OPCML: variants seen among roughly 807,000 people sequenced by gnomAD.
OPCML encodes opioid-binding protein/cell adhesion molecule.
A neutral mutation model predicts 37.8 loss-of-function variants in OPCML; 13 were observed. That is an observed-to-expected ratio of 0.34 (90% CI 0.22 to 0.55). The LOEUF (loss-of-function observed/expected upper bound fraction) is 0.55. Among genes scored for constraint, OPCML ranks in the 20% least tolerant of loss-of-function variants. The probability of loss-of-function intolerance (pLI) is 0.91; values close to 1 mark genes in which losing one functional copy is unlikely to be tolerated. For missense variants in OPCML, 341 were observed against 435.6 expected (o/e 0.78, Z 1.93); for synonymous variants, 176 against 168.8 (o/e 1.04, Z -0.33).
intron 2 of OPCML, among the ~76,000 whole-genome samples, chr11:132,924,074 C>T (rs535396092): frequency 1.5e-4 from 23 of 151,362 alleles, no homozygotes; most frequent in African/African-American, 5.6e-4. Context: ...CTAATTAAAT[C>T]GAAATCTTGT....
rs11285711 is a variant in OPCML, at chr11:132,996,618, C to CAAA, written c.62-53611_62-53609dup. Among the ~76,000 whole-genome samples, 1,010 of 123,352 alleles carry CAAA rather than the reference C, an allele frequency of 8.2e-3. 20 individuals carry two copies. Among genetic ancestry groups the CAAA allele is most frequent in the African/African-American group, 0.03 (973 of 32,314 alleles). 80.9% of individuals were successfully genotyped at this position (123,352 alleles called of 152,430 possible). ...TGGGCAACAGAGAGAGGCTCCATCT[C>CAAA]AAAAAAAAAAAAAAAAAATACTTGA... On this transcript the variant is annotated intron_variant, in intron 1 of 7. Transcript: ENST00000524381.
At chr11:132,635,901 TA>T (rs1429699037) in intron 3 of OPCML, among the ~76,000 whole-genome samples, 2 of 152,166 alleles carry the variant, frequency 1.3e-5, no homozygotes. Flanking sequence ...GCTTTCAGGC[TA>T]CATTCATGTT....
chr11:132,887,775 A>C (rs1027796), intron 2 of OPCML, among the ~76,000 whole-genome samples: 107,741 of 152,190 alleles, frequency 0.71, 38,805 homozygotes, highest in African/African-American at 0.83. Context: ...GGATCGGCAG[A>C]TTCACAGCTC....
chr11:132,448,255 T>C (rs574110969), intron 4 of OPCML, among the ~76,000 whole-genome samples: 1 of 152,318 alleles, frequency 6.6e-6, no homozygotes, highest in East Asian at 1.9e-4. Context: ...ATCCTTTCCC[T>C]ATATTAGTTC....
At chr11:132,837,730 G>C (rs531348513) in intron 2 of OPCML, among the ~76,000 whole-genome samples, 1 of 152,332 alleles carries the variant, frequency 6.6e-6, no homozygotes, top group South Asian at 2.1e-4. Context: ...CCAGTGCTAA[G>C]ACTGGAAGAC....
chr11:132,913,463 T>C (rs543388624), intron 2 of OPCML, among the ~76,000 whole-genome samples: 6 of 152,336 alleles, frequency 3.9e-5, no homozygotes, highest in African/African-American at 1.4e-4. Flanking sequence ...TGACTAATAT[T>C]CTACCATCGA....
At chr11:133,415,223 C>T (rs1206954792) in intron 1 of OPCML, among the ~76,000 whole-genome samples, 1 of 152,064 alleles carries the variant, frequency 6.6e-6, no homozygotes, top group African/African-American at 2.4e-5. Flanking sequence ...TCCAGACTAA[C>T]ATGGTGAAAC....
intron 2 of OPCML, among the ~76,000 whole-genome samples, chr11:132,672,376 C>T (rs543686496): frequency 1.1e-4 from 16 of 152,210 alleles, no homozygotes; most frequent in South Asian, 6.2e-4. Flanking sequence ...GGCAGTAATA[C>T]GCAAGGGAAA....
intron 2 of OPCML, among the ~76,000 whole-genome samples, chr11:132,681,377 A>T (rs1942934578): frequency 6.6e-6 from 1 of 152,160 alleles, no homozygotes; most frequent in Non-Finnish European, 1.5e-5. Context: ...GGAGAAGAGG[A>T]GAAGCAGCTG....
chr11:133,203,121 A>G (rs748541916), intron 1 of OPCML, among the ~76,000 whole-genome samples: 3 of 152,204 alleles, frequency 2.0e-5, no homozygotes, highest in Non-Finnish European at 4.4e-5. Flanking sequence ...CGAGATGATA[A>G]ATAACAAAGC....
intron 1 of OPCML, among the ~76,000 whole-genome samples, chr11:132,953,736 T>C (rs1251573561): frequency 6.6e-6 from 1 of 152,098 alleles, no homozygotes; most frequent in Non-Finnish European, 1.5e-5. Context: ...CCGCTGGAGG[T>C]AGGTTTGCCA....
intron 1 of OPCML, among the ~76,000 whole-genome samples, chr11:133,096,866 C>G (rs1372062711): frequency 6.6e-6 from 1 of 152,002 alleles, no homozygotes; most frequent in African/African-American, 2.4e-5. Flanking sequence ...TGTGTGTGCA[C>G]TTAACAACAG....
chr11:132,770,424 G>A (rs996237570), intron 2 of OPCML, among the ~76,000 whole-genome samples: 1 of 152,090 alleles, frequency 6.6e-6, no homozygotes, highest in African/African-American at 2.4e-5. Flanking sequence ...GAGGGAAAAA[G>A]CAAGGGATGG....
chr11:133,354,508 G>C (rs1371412369), intron 1 of OPCML, among the ~76,000 whole-genome samples: 2 of 152,108 alleles, frequency 1.3e-5, no homozygotes. Context: ...TGCTTAACTA[G>C]CAGGTGGTAA....
chr11:133,479,007 T>A (rs925412848), intron 1 of OPCML, among the ~76,000 whole-genome samples: 1 of 152,202 alleles, frequency 6.6e-6, no homozygotes, highest in African/African-American at 2.4e-5. Context: ...GGTTGCTTCA[T>A]TGCTTTTCTT....
intron 7 of OPCML, among the ~76,000 whole-genome samples, chr11:132,427,932 C>T (rs1300873428): frequency 6.6e-6 from 1 of 152,192 alleles, no homozygotes. Flanking sequence ...GATTACGCTG[C>T]TGTCATCAGC....
intron 1 of OPCML, among the ~76,000 whole-genome samples, chr11:133,062,534 T>C (rs896626762): frequency 6.6e-6 from 1 of 152,226 alleles, no homozygotes; most frequent in Non-Finnish European, 1.5e-5. Flanking sequence ...TCCAGCTTAA[T>C]GTCAAGGATT....
chr11:133,290,445 C>T (rs909922039), intron 1 of OPCML, among the ~76,000 whole-genome samples: 5 of 152,258 alleles, frequency 3.3e-5, no homozygotes, highest in Admixed American at 6.5e-5. Context: ...TACTCTCCCC[C>T]GTAAGGACCA....
At chr11:133,040,996 G>A (rs117225963) in intron 1 of OPCML, among the ~76,000 whole-genome samples, 1,643 of 152,248 alleles carry the variant, frequency 0.011, 18 homozygotes, top group South Asian at 0.019. Flanking sequence ...ATGGGGGCTC[G>A]GACTATAAAA....
Sources: allele counts gnomAD v4.1 joint callset (sites outside exome capture counted in the v4.1 genomes callset), GRCh38; gene constraint gnomAD v4.1.1; transcripts MANE v1.5; gene names NCBI Gene and HGNC (gene_info 2026-07-23, HGNC 2026-07-21).